DAW1: variants seen among roughly 807,000 people sequenced by gnomAD.
DAW1 encodes the protein dynein assembly factor with WD repeats 1, also known as dynein assembly factor with WD repeat domains 1.
Under a neutral mutation model 56.5 loss-of-function variants are expected in DAW1, and 47 were observed. The observed-to-expected ratio is 0.83, with a 90% CI of 0.66 to 1.06. DAW1 has a LOEUF of 1.06. Among genes scored for constraint, DAW1 ranks in the 50% least tolerant of loss-of-function variants. The probability of loss-of-function intolerance (pLI) is 0.00; values close to 1 mark genes in which losing one functional copy is unlikely to be tolerated. For missense variants in DAW1, 505 were observed against 499.3 expected (o/e 1.01, Z -0.11); for synonymous variants, 190 against 179.0 (o/e 1.06, Z -0.49).
chr2:227,872,297 A>AAAAAAAG (rs1553600898), intron 1 of DAW1: 3 of 131,464 alleles, frequency 2.3e-5, no homozygotes, highest in Non-Finnish European at 4.9e-5. Context: ...AAAAAAGAAA[A>AAAAAAAG]AAAAGAAAAA....
chr2:227,889,994 T>C lies in DAW1; in HGVS notation c.252T>C (p.Leu84=). ...LGQNSNHTFY[L]FKVLKAHILP... ...AGAACAGCAATCACACGTTCTATCT[T>C]TTTAAGGTAATGGATTTAAAAACAA... is the stretch of plus-strand genomic sequence containing the variant. The change falls in exon 3 of 13, where the codon CTT becomes CTC. Residue 84 remains leucine (L), a synonymous_variant. Coordinates refer to ENST00000309931, the MANE Select transcript of DAW1 (RefSeq NM_178821.3). The C allele has an allele frequency of 6.4e-7, 1 of 1,574,180 alleles. No individual in the cohort carries two copies. The highest frequency in any genetic ancestry group is 8.6e-7 in the Non-Finnish European group (1 of 1,165,298).
At position 227,903,249 on chromosome 2, in the gene DAW1, C is replaced by T. The variant is rs879210700; in HGVS notation, c.648+140C>T. ...GTGAAAGAGTGTCCCTACTGGTTTCCTGGCTATTCCAAAAGACTTGGGTGG... is the reference window on the plus strand; with the variant it reads ...GTGAAAGAGTGTCCCTACTGGTTTCTTGGCTATTCCAAAAGACTTGGGTGG... On this transcript the variant is annotated intron_variant, in intron 7 of 12. Transcript: ENST00000309931. The T allele has an allele frequency of 4.8e-6, 4 of 841,474 alleles. No homozygotes were observed. The South Asian group carries it at 7.3e-5, about 15-fold the overall frequency. The allele number at this position is 841,474 out of a possible 1,614,324, so 52.1% of individuals were successfully genotyped here. A position where few individuals can be genotyped will look rare whatever the true frequency, so the allele number is the denominator to read the frequency against.
In DAW1 at chr2:227,921,489, C is replaced by T; in HGVS notation, c.1141C>T (p.Gln381Ter). 4 of 1,614,008 alleles carry T rather than the reference C, an allele frequency of 2.5e-6. No individual in the cohort carries two copies. Among genetic ancestry groups the T allele is most frequent in the Non-Finnish European group, 3.4e-6 (4 of 1,180,006 alleles). ...GGATGCTCAGACTGGCCAGTGCCTC[C>T]AGGTTCTTGAGGGGCACACTGATGA... ...IWDAQTGQCL[Q>*]VLEGHTDEIF... Residue 381 changes from glutamine (Q) to a stop codon, truncating the protein, a stop_gained, in exon 12 of 13, where the codon CAG (glutamine) becomes TAG (stop). Coordinates refer to ENST00000309931, the MANE Select transcript of DAW1 (RefSeq NM_178821.3). LOFTEE classifies it high-confidence loss of function.
chr2:227,914,395 C>A (rs558727845), intron 10 of DAW1, among the ~76,000 whole-genome samples: 13 of 152,026 alleles, frequency 8.6e-5, no homozygotes, highest in African/African-American at 3.1e-4. Context: ...CCTTTACAAC[C>A]ATTGATGATC....
intron 10 of DAW1, chr2:227,912,486 G>A: frequency 7.7e-7 from 1 of 1,301,350 alleles, no homozygotes; most frequent in Non-Finnish European, 1.0e-6. Context: ...TACATGCTGT[G>A]TTCCTTATCT....
At chr2:227,894,062 A>G in intron 5 of DAW1, 145 bp downstream of exon 5, 1 of 815,794 alleles carries the variant, frequency 1.2e-6, no homozygotes, top group Non-Finnish European at 1.8e-6. Context: ...CCTCCTTCAA[A>G]GCTTAAAAGG....
At chr2:227,921,346 T>G (rs1272226038) in intron 11 of DAW1, 53 bp from the exon 12 acceptor site, 3 of 1,040,488 alleles carry the variant, frequency 2.9e-6, no homozygotes, top group Non-Finnish European at 2.6e-6. Context: ...TGATAAGAAA[T>G]GTTTTGGGAA....
At chr2:227,874,999 A>C (rs1353836875) in intron 1 of DAW1, among the ~76,000 whole-genome samples, 27 of 105,282 alleles carry the variant, frequency 2.6e-4, no homozygotes, top group South Asian at 1.5e-3. Context: ...GAAAAACAAA[A>C]AACAAACCAT....
At chr2:227,891,409 A>AT (rs369898936) in intron 4 of DAW1, 96 bp downstream of exon 4, 8 of 1,054,728 alleles carry the variant, frequency 7.6e-6, no homozygotes, top group South Asian at 1.4e-5. Context: ...TAATATATTC[A>AT]TTTTTCTGAT....
intron 12 of DAW1, among the ~76,000 whole-genome samples, chr2:227,923,522 T>C (rs143014792): frequency 2.3e-4 from 35 of 152,302 alleles, no homozygotes; most frequent in African/African-American, 7.9e-4. Context: ...TTTTGAAATG[T>C]TCCAAAGTGG....
At chr2:227,919,396 C>A (rs1559315812) in intron 11 of DAW1, among the ~76,000 whole-genome samples, 2 of 152,092 alleles carry the variant, frequency 1.3e-5, no homozygotes, top group Non-Finnish European at 2.9e-5. Context: ...TATGGAACAG[C>A]ATTCGCCTCC....
chr2:227,881,621 A>G (rs544705713), intron 1 of DAW1, among the ~76,000 whole-genome samples: 1 of 152,248 alleles, frequency 6.6e-6, no homozygotes, highest in African/African-American at 2.4e-5. Context: ...ATCTTATTTA[A>G]TCTCAACCAG....
chr2:227,913,881 A>ATCTG lies in DAW1; in HGVS notation c.974-4863_974-4860dup, dbSNP rs71422211. On this transcript the variant is annotated intron_variant, in intron 10 of 12. Transcript: ENST00000309931. ...CAGAAGACAGTCATCATATCTATCT[A>ATCTG]TCTGTCTGTCTGTCTGTCTGTCTGT... Among the ~76,000 whole-genome samples, 1,043 of 120,490 alleles carry ATCTG rather than the reference A, an allele frequency of 8.7e-3. 7 individuals are homozygous for ATCTG. Among genetic ancestry groups the ATCTG allele is most frequent in the African/African-American group, 0.026 (858 of 32,512 alleles). 79.0% of individuals were successfully genotyped at this position (120,490 alleles called of 152,430 possible). A position where few individuals can be genotyped will look rare whatever the true frequency, so the allele number is the denominator to read the frequency against.
chr2:227,911,263 T>TAG, intron 10 of DAW1, among the ~76,000 whole-genome samples: 2 of 145,820 alleles, frequency 1.4e-5, no homozygotes, highest in African/African-American at 2.6e-5. Context: ...TACACGTGTA[T>TAG]ATACACATAT....
intron 1 of DAW1, 35 bp downstream of exon 1, chr2:227,871,764 G>A (rs1240881072): frequency 8.1e-6 from 13 of 1,612,746 alleles, no homozygotes; most frequent in Non-Finnish European, 1.1e-5. Flanking sequence ...TCCCCACGTG[G>A]GACCCTGGGC....
intron 10 of DAW1, among the ~76,000 whole-genome samples, chr2:227,912,787 T>C (rs1691859659): frequency 6.6e-6 from 1 of 152,186 alleles, no homozygotes; most frequent in Admixed American, 6.5e-5. Flanking sequence ...GTGTCTGCAA[T>C]GATAAACATG....
chr2:227,891,627 A>G (rs1246198674), intron 4 of DAW1, among the ~76,000 whole-genome samples: 1 of 152,182 alleles, frequency 6.6e-6, no homozygotes, highest in East Asian at 1.9e-4. Context: ...TATTCAGAGC[A>G]GGCACTTTCC....
In DAW1 at chr2:227,875,346, A is replaced by G. The variant is rs1407455265; in HGVS notation, c.40+3617A>G. 2.0e-5 allele frequency among the ~76,000 whole-genome samples: 3 copies of G among 152,160 alleles called. No homozygotes were observed. In the South Asian group the frequency reaches 6.2e-4, roughly 32 times the overall value. ...GGGATGGCTCTGTTAGAACATAAAT[A>G]TGACCATGTCACTCTTCTGCTCCAG... On this transcript the variant is annotated intron_variant, in intron 1 of 12. Transcript: ENST00000309931.
At chr2:227,885,768 T>C (rs541379005) in intron 2 of DAW1, among the ~76,000 whole-genome samples, 23 of 152,334 alleles carry the variant, frequency 1.5e-4, no homozygotes, top group Middle Eastern at 3.4e-3. Context: ...TTAGGATTAA[T>C]GAACCAGTAT....
Sources: allele counts gnomAD v4.1 joint callset (sites outside exome capture counted in the v4.1 genomes callset), GRCh38; gene constraint gnomAD v4.1.1; transcripts MANE v1.5; gene names NCBI Gene and HGNC (gene_info 2026-07-23, HGNC 2026-07-21).